Variants in CDC42SE2 observed in about 807,000 individuals in gnomAD.
CDC42SE2 encodes the protein CDC42 small effector 2.
In CDC42SE2, 3 loss-of-function variants were observed where a neutral mutation model predicts 11.5. The ratio of observed to expected loss-of-function variants is 0.26; its 90% CI spans 0.12 to 0.67. The LOEUF is 0.67. CDC42SE2 is among the 30% of genes least tolerant of loss of function. The pLI, the probability that CDC42SE2 is intolerant of heterozygous loss-of-function variation, is 0.80. For synonymous variants in CDC42SE2, 33 were observed against 34.8 expected (o/e 0.95, Z 0.18); for missense variants, 82 against 106.8 (o/e 0.77, Z 1.02).
intron 1 of CDC42SE2, among the ~76,000 whole-genome samples, chr5:131,296,591 C>T (rs12188836): frequency 1.2e-3 from 183 of 152,288 alleles, no homozygotes; most frequent in Non-Finnish European, 2.2e-3. Context: ...TCTCTGTTTT[C>T]ATACTGTTGG....
intron 1 of CDC42SE2, among the ~76,000 whole-genome samples, chr5:131,295,177 G>A (rs1757543563): frequency 6.6e-6 from 1 of 151,564 alleles, no homozygotes; most frequent in Admixed American, 6.6e-5. Flanking sequence ...TAGCTACTTG[G>A]GAGACTGAGG....
At chr5:131,387,235 C>T (rs1750513571) in intron 4 of CDC42SE2, among the ~76,000 whole-genome samples, 1 of 152,086 alleles carries the variant, frequency 6.6e-6, no homozygotes, top group South Asian at 2.1e-4. Context: ...GTTGTCTCTG[C>T]CACCTCAGAT....
the CDC42SE2 span, among the ~76,000 whole-genome samples, chr5:131,238,466 G>A: frequency 1.1e-4 from 16 of 145,016 alleles, 1 homozygote; most frequent in Middle Eastern, 7.2e-3. Flanking sequence ...TCGTGCCACT[G>A]CACTCCAGCC....
intron 1 of CDC42SE2, among the ~76,000 whole-genome samples, chr5:131,302,875 A>G (rs937709494): frequency 6.6e-6 from 1 of 150,530 alleles, no homozygotes. Context: ...AATTAGAAAT[A>G]GCTTCTTTCC....
At chr5:131,240,202 T>C in the CDC42SE2 span, among the ~76,000 whole-genome samples, 1 of 152,366 alleles carries the variant, frequency 6.6e-6, no homozygotes, top group East Asian at 1.9e-4. Context: ...ATTTAAAAAT[T>C]CATGAATTTT....
chr5:131,335,350 G>T (rs557778296), intron 2 of CDC42SE2, among the ~76,000 whole-genome samples: 4 of 152,100 alleles, frequency 2.6e-5, no homozygotes, highest in Admixed American at 6.5e-5. Context: ...TATGATTTCT[G>T]TTCTTTTCCA....
At chr5:131,264,363 C>T (rs931399411) in intron 1 of CDC42SE2, among the ~76,000 whole-genome samples, 197 bp downstream of exon 1, 9 of 152,266 alleles carry the variant, frequency 5.9e-5, no homozygotes, top group African/African-American at 2.2e-4. Flanking sequence ...GGTCCTCATG[C>T]CCTAGGACCC....
the CDC42SE2 span, among the ~76,000 whole-genome samples, chr5:131,224,264 C>A: frequency 1.3e-5 from 2 of 152,194 alleles, no homozygotes; most frequent in African/African-American, 2.4e-5. Flanking sequence ...ACTCACATAT[C>A]TAACTATCTA....
the CDC42SE2 span, among the ~76,000 whole-genome samples, chr5:131,218,260 G>A: frequency 6.6e-6 from 1 of 151,698 alleles, no homozygotes; most frequent in Non-Finnish European, 1.5e-5. Context: ...CACAGAAGGG[G>A]ATATCTAATT....
chr5:131,264,067 G>A lies in CDC42SE2; in HGVS notation c.-554G>A, dbSNP rs1756797133. 2 of 152,042 alleles carry A rather than the reference G, an allele frequency of 1.3e-5. No individual in the cohort carries two copies. The highest frequency in any genetic ancestry group is 4.8e-5 in the African/African-American group (2 of 41,406). The allele number at this position is 152,042 out of a possible 1,614,324, so 9.4% of individuals were successfully genotyped here. On this transcript the variant is annotated 5_prime_UTR_variant, in exon 1 of 5. Transcript: ENST00000505065. ...GAGGGGGAGCCAGGAAGCTGCGAGC[G>A]CGCTGGGGAGCGCAGCTGCAGGCGT...
intron 1 of CDC42SE2, among the ~76,000 whole-genome samples, chr5:131,295,641 G>A (rs1487429123): frequency 6.6e-6 from 1 of 151,960 alleles, no homozygotes; most frequent in East Asian, 1.9e-4. Context: ...TCTCTGGAGC[G>A]GGGAACAGGA....
At chr5:131,241,349 CT>C (rs1756539578), upstream of CDC42SE2, among the ~76,000 whole-genome samples, 1 of 152,242 alleles carries the variant, frequency 6.6e-6, no homozygotes, top group South Asian at 2.1e-4. Flanking sequence ...TTATTAAACA[CT>C]GAACCTATCC....
chr5:131,342,099 G>C (rs892509006), intron 2 of CDC42SE2, among the ~76,000 whole-genome samples: 2 of 151,772 alleles, frequency 1.3e-5, no homozygotes, highest in South Asian at 2.1e-4. Flanking sequence ...GGCCAACATG[G>C]TGATACCCCA....
intron 3 of CDC42SE2, among the ~76,000 whole-genome samples, chr5:131,370,725 G>A (rs1164571090): frequency 1.7e-4 from 26 of 152,292 alleles, no homozygotes; most frequent in Admixed American, 1.7e-3. Flanking sequence ...TTGTGTAAAT[G>A]ATGTGCAAAT....
chr5:131,298,045 A>G (rs1232478310), intron 1 of CDC42SE2, among the ~76,000 whole-genome samples: 1 of 151,860 alleles, frequency 6.6e-6, no homozygotes, highest in Non-Finnish European at 1.5e-5. Flanking sequence ...TTAGGAAGTT[A>G]TGCTTCCTGT....
intron 3 of CDC42SE2, among the ~76,000 whole-genome samples, chr5:131,361,730 T>C (rs1749715045): frequency 6.6e-6 from 1 of 152,114 alleles, no homozygotes; most frequent in Middle Eastern, 3.2e-3. Flanking sequence ...TCTCTGTCGA[T>C]GAGGGAGCCA....
chr5:131,336,316 T>C (rs1017585034), intron 2 of CDC42SE2, among the ~76,000 whole-genome samples: 1 of 152,268 alleles, frequency 6.6e-6, no homozygotes, highest in Admixed American at 6.5e-5. Flanking sequence ...TCTTCTGGCT[T>C]ATAGAGTTTC....
In CDC42SE2 at chr5:131,266,483, G is replaced by A. The variant is rs1042220060; in HGVS notation, c.-455+2317G>A. Among the ~76,000 whole-genome samples, 15 of 140,360 alleles carry A rather than the reference G, an allele frequency of 1.1e-4. No individual in the cohort carries two copies. In the South Asian group the frequency reaches 2.6e-3, roughly 25 times the overall value. The allele number at this position is 140,360 out of a possible 152,430, so 92.1% of individuals were successfully genotyped here. ...TTCTTTTTTTTTTTTTTTTCGAGAC[G>A]AAGTCTCGCTCTGTCACCCAGGCTA... On this transcript the variant is annotated intron_variant, in intron 1 of 4. Transcript: ENST00000505065.
chr5:131,247,389 C>T (rs1044794666), intron 1 of CDC42SE2, among the ~76,000 whole-genome samples: 12 of 152,052 alleles, frequency 7.9e-5, no homozygotes, highest in East Asian at 1.9e-4. Context: ...GAGGCCGAGG[C>T]GAGTGGATCA....
Sources: gnomAD v4.1 joint callset for allele counts (sites outside exome capture counted in the v4.1 genomes callset) on GRCh38, gnomAD v4.1.1 for gene constraint, MANE v1.5 for transcripts, NCBI Gene and HGNC (gene_info 2026-07-23, HGNC 2026-07-21) for gene names.